TMEM38B: variants seen among roughly 807,000 people sequenced by gnomAD.
The protein encoded by TMEM38B is trimeric intracellular cation channel type B.
A neutral mutation model predicts 28.7 loss-of-function variants in TMEM38B; 24 were observed. That is an observed-to-expected ratio of 0.84 (90% CI 0.61 to 1.18). The LOEUF (loss-of-function observed/expected upper bound fraction) is 1.18, where lower values mean the gene tolerates loss of function less well. Ranked by LOEUF, TMEM38B falls within the 50% of genes most tolerant of loss-of-function variation. TMEM38B has a pLI of 0.00. For synonymous variants in TMEM38B, 131 were observed against 127.7 expected (o/e 1.03, Z -0.17); for missense variants, 380 against 350.9 (o/e 1.08, Z -0.66).
intron 5 of TMEM38B, among the ~76,000 whole-genome samples, chr9:105,764,337 T>C (rs749546590): frequency 0.054 from 8,273 of 152,060 alleles, 325 homozygotes; most frequent in Non-Finnish European, 0.082. Flanking sequence ...AAAACCCCAT[T>C]GTCTCAGCCC....
intron 5 of TMEM38B, among the ~76,000 whole-genome samples, chr9:105,752,201 G>T (rs1174663802): frequency 6.6e-6 from 1 of 152,152 alleles, no homozygotes; most frequent in East Asian, 1.9e-4. Context: ...CCCAGAGGGA[G>T]GGGCAGTCAC....
At chr9:105,703,755 T>C (rs1835539883) in intron 1 of TMEM38B, among the ~76,000 whole-genome samples, 1 of 152,038 alleles carries the variant, frequency 6.6e-6, no homozygotes, top group African/African-American at 2.4e-5. Context: ...TGGTGTGAGA[T>C]GGTATCTCAT....
chr9:105,736,237 G>A (rs926880582), intron 4 of TMEM38B, among the ~76,000 whole-genome samples: 9 of 152,006 alleles, frequency 5.9e-5, no homozygotes, highest in East Asian at 1.9e-4. Context: ...CTTTCATAAT[G>A]TGAAAATTTG....
intron 2 of TMEM38B, among the ~76,000 whole-genome samples, chr9:105,719,047 G>A (rs112233596): frequency 1.3e-3 from 204 of 152,252 alleles, no homozygotes; most frequent in African/African-American, 4.6e-3. Flanking sequence ...TACTGTCTTC[G>A]ATAGAGGAGT....
chr9:105,739,678 C>G (rs148330419), intron 4 of TMEM38B, among the ~76,000 whole-genome samples: 22 of 151,962 alleles, frequency 1.4e-4, no homozygotes, highest in Non-Finnish European at 1.3e-4. Flanking sequence ...GCAGGTGCCA[C>G]CACGCCAGTC....
At chr9:105,695,306 C>G (rs1318719687) in intron 1 of TMEM38B, among the ~76,000 whole-genome samples, 2 of 151,746 alleles carry the variant, frequency 1.3e-5, no homozygotes, top group African/African-American at 4.9e-5. Flanking sequence ...GTTGTACAAG[C>G]ACTGAAACAA....
rs139720238 is a variant in TMEM38B, at chr9:105,774,164, G to A, written c.*84G>A. On this transcript the variant is annotated 3_prime_UTR_variant, in exon 6 of 6. Coordinates refer to ENST00000374692, the MANE Select transcript of TMEM38B (RefSeq NM_018112.3). ...GTGCTAATTTTTCTATGTATGTGAT[G>A]TGAAATGAAGACTATATATATGGAA... is the stretch of plus-strand genomic sequence containing the variant. 124 of 1,110,764 alleles carry A rather than the reference G, an allele frequency of 1.1e-4. 2 individuals carry two copies. The East Asian group carries it at 2.6e-3, about 24-fold the overall frequency. The allele number at this position is 1,110,764 out of a possible 1,614,324, so 68.8% of individuals were successfully genotyped here.
intron 5 of TMEM38B, chr9:105,758,832 G>A: frequency 1.1e-6 from 1 of 921,388 alleles, no homozygotes; most frequent in Non-Finnish European, 1.8e-6. Context: ...AATAATCAAT[G>A]AAGATCAAGA....
chr9:105,701,425 A>C (rs1835456670), intron 1 of TMEM38B: 1 of 152,238 alleles, frequency 6.6e-6, no homozygotes, highest in Non-Finnish European at 1.5e-5. Context: ...CTGAAGCAAG[A>C]CTGTAATGGT....
intron 4 of TMEM38B, among the ~76,000 whole-genome samples, chr9:105,737,405 C>T (rs550283059): frequency 6.6e-6 from 1 of 152,260 alleles, no homozygotes; most frequent in African/African-American, 2.4e-5. Flanking sequence ...AGGCACTATG[C>T]AGTGGGGACT....
At chr9:105,750,896 T>C (rs1337084442) in intron 5 of TMEM38B, among the ~76,000 whole-genome samples, 1 of 152,238 alleles carries the variant, frequency 6.6e-6, no homozygotes, top group Non-Finnish European at 1.5e-5. Context: ...TAAAAACCGT[T>C]CTTTTCCTTT....
intron 2 of TMEM38B, among the ~76,000 whole-genome samples, chr9:105,718,074 A>G (rs1836174865): frequency 6.6e-6 from 1 of 152,214 alleles, no homozygotes; most frequent in South Asian, 2.1e-4. Context: ...TTTAATCTGT[A>G]CTTACACAGT....
intron 2 of TMEM38B, among the ~76,000 whole-genome samples, chr9:105,717,416 GT>G (rs1313546825): frequency 8.1e-6 from 1 of 123,006 alleles, no homozygotes; most frequent in Non-Finnish European, 1.6e-5. Context: ...GTGCAAGAAT[GT>G]TTTTAAAACA....
intron 4 of TMEM38B, among the ~76,000 whole-genome samples, chr9:105,723,893 G>C (rs1836417342): frequency 6.6e-6 from 1 of 151,194 alleles, no homozygotes. Context: ...AGAGTGCAAT[G>C]GTGTGGTCTC....
Position 105,726,748 on chromosome 9 carries a change from G to T in TMEM38B, c.542+4127G>T, listed in dbSNP as rs553875121. ...TTGGAGGGCTTGGTCCAATTAATTT[G>T]TAACTTGGGGTGATAAAATATATGA... On this transcript the variant is annotated intron_variant, in intron 4 of 5. Coordinates refer to ENST00000374692, the MANE Select transcript of TMEM38B (RefSeq NM_018112.3). Among the ~76,000 whole-genome samples, 517 of 152,220 alleles carry T rather than the reference G, an allele frequency of 3.4e-3. 2 individuals are homozygous for T. The highest frequency in any genetic ancestry group is 3.9e-3 in the Non-Finnish European group (268 of 68,026).
intron 2 of TMEM38B, among the ~76,000 whole-genome samples, chr9:105,717,461 CTG>C (rs1342267978): frequency 1.6e-4 from 25 of 152,186 alleles, no homozygotes; most frequent in African/African-American, 5.8e-4. Context: ...GAACAACTCT[CTG>C]TCAGCAGAGA....
intron 5 of TMEM38B, among the ~76,000 whole-genome samples, chr9:105,755,632 A>G (rs1335219753): frequency 6.6e-6 from 1 of 152,192 alleles, no homozygotes; most frequent in East Asian, 1.9e-4. Context: ...ATTGCTTTAA[A>G]TCTGTAAATT....
chr9:105,757,898 G>A (rs1837890182), intron 5 of TMEM38B, among the ~76,000 whole-genome samples: 1 of 152,224 alleles, frequency 6.6e-6, no homozygotes, highest in African/African-American at 2.4e-5. Flanking sequence ...AAACTTGGGA[G>A]AGCAGTTTGG....
chr9:105,762,589 A>G (rs1354723473), intron 5 of TMEM38B, among the ~76,000 whole-genome samples: 1 of 141,958 alleles, frequency 7.0e-6, no homozygotes, highest in Non-Finnish European at 1.5e-5. Context: ...ACATGAACTC[A>G]TCATTTTTTA....
Sources: gnomAD v4.1 joint callset for allele counts (sites outside exome capture counted in the v4.1 genomes callset) on GRCh38, gnomAD v4.1.1 for gene constraint, MANE v1.5 for transcripts, NCBI Gene and HGNC (gene_info 2026-07-23, HGNC 2026-07-21) for gene names.